Variants in MAP3K15 observed in about 807,000 individuals in gnomAD.
MAP3K15 encodes mitogen-activated protein kinase kinase kinase 15.
MAP3K15 carries 124 observed loss-of-function variants against 99.5 expected under a neutral mutation model. The ratio of observed to expected loss-of-function variants is 1.25; its 90% CI spans 1.08 to 1.45. The LOEUF is 1.45. Ranked by LOEUF, MAP3K15 falls within the 40% of genes most tolerant of loss-of-function variation. The probability of loss-of-function intolerance (pLI) is 0.00; values close to 1 mark genes in which losing one functional copy is unlikely to be tolerated. For synonymous variants in MAP3K15, 494 were observed against 439.6 expected (o/e 1.12, Z -1.55); for missense variants, 1,242 against 1,079.7 (o/e 1.15, Z -2.11).
At chrX:19,411,595 T>A (rs1226341093) in intron 11 of MAP3K15, among the ~76,000 whole-genome samples, 1 of 110,006 alleles carries the variant, frequency 9.1e-6, no homozygotes, top group Non-Finnish European at 1.9e-5. Flanking sequence ...GGGAAGGGCA[T>A]TAAGATAGGG....
At chrX:19,436,353 C>A (rs1415026820) in intron 6 of MAP3K15, among the ~76,000 whole-genome samples, 2 of 110,217 alleles carry the variant, frequency 1.8e-5, no homozygotes, top group East Asian at 5.7e-4. Flanking sequence ...CCGTGCACCC[C>A]TTCCTCCTTG....
At chrX:19,510,375 G>A (rs2064509420) in intron 1 of MAP3K15, among the ~76,000 whole-genome samples, 1 of 112,054 alleles carries the variant, frequency 8.9e-6, no homozygotes, top group Non-Finnish European at 1.9e-5. Flanking sequence ...ATCCCTGAAT[G>A]CAAGGCTGGT....
intron 1 of MAP3K15, among the ~76,000 whole-genome samples, chrX:19,499,361 G>T (rs950958075): frequency 1.8e-5 from 2 of 112,026 alleles, no homozygotes; most frequent in Admixed American, 1.9e-4. Context: ...TCAGAAAAAG[G>T]GTTGGAAGTT....
intron 1 of MAP3K15, among the ~76,000 whole-genome samples, chrX:19,510,642 G>A: frequency 8.9e-6 from 1 of 112,187 alleles, no homozygotes; most frequent in Non-Finnish European, 1.9e-5. Context: ...ACAAGCCAGG[G>A]ATGCCCTCTC....
chrX:19,373,328 A>C, intron 21 of MAP3K15: 2 of 409,893 alleles, frequency 4.9e-6, no homozygotes, highest in Non-Finnish European at 8.3e-6. Context: ...CATGTGGGGA[A>C]TGAAAGGACA....
At chrX:19,472,442 G>A (rs751159752) in intron 3 of MAP3K15, among the ~76,000 whole-genome samples, 28 of 111,001 alleles carry the variant, frequency 2.5e-4, no homozygotes, top group Admixed American at 9.6e-5. Flanking sequence ...TGCAGAAAAT[G>A]ATGTTTATAA....
intron 3 of MAP3K15, among the ~76,000 whole-genome samples, chrX:19,483,459 G>C (rs1441915255): frequency 9.0e-6 from 1 of 110,996 alleles, no homozygotes; most frequent in Non-Finnish European, 1.9e-5. Context: ...AATGCATCTT[G>C]GTTTTCACAT....
rs2063612830 is a variant in MAP3K15 at position 19,402,073 on chromosome X, A to G, written c.1845-1410T>C. 2.7e-5 allele frequency among the ~76,000 whole-genome samples: 3 copies of G among 110,649 alleles called. No individual in the cohort carries two copies. In the Admixed American group the frequency reaches 2.9e-4, roughly 11 times the overall value. Reference sequence around the variant, plus strand: ...GAGACTGAAGCGGGAAGACTGCTTGAGGCCAGGAGTTCGAGACCAACCTGG... The same window carrying G: ...GAGACTGAAGCGGGAAGACTGCTTGGGGCCAGGAGTTCGAGACCAACCTGG... On this transcript the variant is annotated intron_variant, in intron 13 of 28. Transcript: ENST00000338883.
intron 18 of MAP3K15, among the ~76,000 whole-genome samples, chrX:19,383,556 G>A (rs1009086104): frequency 1.8e-5 from 2 of 111,669 alleles, no homozygotes; most frequent in Non-Finnish European, 3.8e-5. Context: ...CCACAGAATG[G>A]GAGAAAATAT....
intron 1 of MAP3K15, 25 bp downstream of exon 1, chrX:19,514,876 G>A (rs773479375): frequency 2.8e-5 from 28 of 999,955 alleles, no homozygotes; most frequent in Non-Finnish European, 3.1e-5. Context: ...AACTGGGACT[G>A]AGGTGGGGAC....
chrX:19,364,893 CAAA>C (rs781622051), intron 25 of MAP3K15, among the ~76,000 whole-genome samples: 5 of 38,465 alleles, frequency 1.3e-4, no homozygotes, highest in African/African-American at 3.1e-4. Context: ...AACTCTGTCT[CAAA>C]AAAAAAAAAA....
intron 1 of MAP3K15, among the ~76,000 whole-genome samples, chrX:19,503,114 C>T (rs878913975): frequency 1.4e-4 from 16 of 111,681 alleles, no homozygotes; most frequent in African/African-American, 5.2e-4. Flanking sequence ...CTGGATTTGA[C>T]AATGAGGGAG....
intron 25 of MAP3K15, 63 bp downstream of exon 25, chrX:19,368,991 T>G: frequency 1.9e-6 from 2 of 1,076,176 alleles, no homozygotes; most frequent in South Asian, 4.7e-5. Flanking sequence ...TTAATCAGCA[T>G]CTTGGTGGCT....
intron 18 of MAP3K15, among the ~76,000 whole-genome samples, chrX:19,390,482 TATATA>T (rs1204300886): frequency 3.8e-4 from 39 of 103,161 alleles, no homozygotes; most frequent in East Asian, 1.2e-3. Flanking sequence ...TAATAATTAC[TATATA>T]ATATATGTTA....
chrX:19,426,845 T>TAAAAAAAAAAAAAAA (rs2063836202), intron 7 of MAP3K15, among the ~76,000 whole-genome samples: 1 of 76,288 alleles, frequency 1.3e-5, no homozygotes, highest in Non-Finnish European at 2.2e-5. Context: ...AAAAAAAAAG[T>TAAAAAAAAAAAAAAA]CATAATAGCA....
chrX:19,496,952 A>T, intron 1 of MAP3K15: 1 of 110,684 alleles, frequency 9.0e-6, no homozygotes, highest in Non-Finnish European at 1.9e-5. Flanking sequence ...TACAGGGGCC[A>T]TGTTGCTTGG....
chrX:19,429,498 A>C (rs1569222458), intron 7 of MAP3K15, among the ~76,000 whole-genome samples: 1 of 110,397 alleles, frequency 9.1e-6, no homozygotes, highest in African/African-American at 3.3e-5. Context: ...AATAGTAGTA[A>C]GAAAGTAAGA....
intron 3 of MAP3K15, among the ~76,000 whole-genome samples, chrX:19,483,985 T>C (rs1020146870): frequency 9.0e-6 from 1 of 111,719 alleles, no homozygotes; most frequent in Non-Finnish European, 1.9e-5. Context: ...TCACCTGGGA[T>C]CCTTTTAGTC....
chrX:19,445,916 C>A (rs2063994285), intron 6 of MAP3K15, among the ~76,000 whole-genome samples: 1 of 108,081 alleles, frequency 9.3e-6, no homozygotes, highest in Non-Finnish European at 1.9e-5. Flanking sequence ...CATTGTACTG[C>A]AGCCTGGGCG....
Sources: allele counts gnomAD v4.1 joint callset (sites outside exome capture counted in the v4.1 genomes callset), GRCh38; gene constraint gnomAD v4.1.1; transcripts MANE v1.5; gene names NCBI Gene and HGNC (gene_info 2026-07-23, HGNC 2026-07-21).